The following XPR1 variants were observed in gnomAD, a reference collection of about 807,000 sequenced individuals.
The protein encoded by XPR1 is xenotropic and polytropic retrovirus receptor 1, also known as solute carrier family 53 member 1.
XPR1 carries 28 observed loss-of-function variants against 87.5 expected under a neutral mutation model. The observed-to-expected ratio is 0.32, with a 90% CI of 0.24 to 0.44. XPR1 has a LOEUF of 0.44. Ranked by LOEUF, XPR1 falls within the 20% of genes least tolerant of loss-of-function variation. The pLI is 1.00. For missense variants in XPR1, 559 were observed against 862.3 expected (o/e 0.65, Z 4.41); for synonymous variants, 300 against 306.1 (o/e 0.98, Z 0.21).
chr1:180,652,353 AC>A (rs938453643), intron 1 of XPR1, among the ~76,000 whole-genome samples: 1 of 152,188 alleles, frequency 6.6e-6, no homozygotes, highest in Non-Finnish European at 1.5e-5. Context: ...TACAGCTATT[AC>A]CACAATCAGG....
chr1:180,650,046 C>G (rs1417102483), intron 1 of XPR1, among the ~76,000 whole-genome samples: 2 of 152,084 alleles, frequency 1.3e-5, no homozygotes, highest in Non-Finnish European at 2.9e-5. Flanking sequence ...TACTCTCTCT[C>G]TGCTGTCTTC....
intron 2 of XPR1, among the ~76,000 whole-genome samples, chr1:180,703,832 A>G (rs1045058362): frequency 6.6e-6 from 1 of 152,188 alleles, no homozygotes; most frequent in Admixed American, 6.5e-5. Context: ...GAAATGAATT[A>G]ATCTGGTCCT....
At chr1:180,759,467 T>C (rs923170826) in intron 2 of XPR1, among the ~76,000 whole-genome samples, 9 of 152,060 alleles carry the variant, frequency 5.9e-5, no homozygotes, top group South Asian at 2.1e-4. Flanking sequence ...CAAACTACCA[T>C]CAGAGAATAC....
intron 2 of XPR1, among the ~76,000 whole-genome samples, chr1:180,777,764 A>G (rs886096051): frequency 3.9e-5 from 6 of 152,198 alleles, no homozygotes; most frequent in African/African-American, 1.2e-4. Context: ...TGGTACAAGC[A>G]TGAAACAGTA....
intron 11 of XPR1, among the ~76,000 whole-genome samples, chr1:180,839,112 CCA>C (rs751028919): frequency 6.6e-6 from 1 of 152,026 alleles, no homozygotes; most frequent in Non-Finnish European, 1.5e-5. Flanking sequence ...TTGCAGTATC[CCA>C]CAGTTTTATG....
intron 4 of XPR1, among the ~76,000 whole-genome samples, chr1:180,804,647 G>T (rs1469751017): frequency 6.6e-6 from 1 of 152,026 alleles, no homozygotes; most frequent in African/African-American, 2.4e-5. Context: ...AGTAGTTAAA[G>T]TCCCATATCT....
At chr1:180,877,956 C>T (rs1048340177) in intron 13 of XPR1, 1 of 152,194 alleles carries the variant, frequency 6.6e-6, no homozygotes, top group African/African-American at 2.4e-5. Flanking sequence ...GATCGACAAA[C>T]ACTGCCTGTT....
chr1:180,856,953 G>C (rs1037615774), intron 11 of XPR1, among the ~76,000 whole-genome samples: 1 of 152,164 alleles, frequency 6.6e-6, no homozygotes. Flanking sequence ...ATCGAAATGT[G>C]CCGTAAGTAT....
At chr1:180,644,662 A>G (rs73047697) in intron 1 of XPR1, among the ~76,000 whole-genome samples, 6,498 of 151,600 alleles carry the variant, frequency 0.043, 496 homozygotes, top group African/African-American at 0.15. Flanking sequence ...AAAACACCTA[A>G]CCTATATGTT....
intron 2 of XPR1, among the ~76,000 whole-genome samples, chr1:180,706,854 G>A (rs1657577308): frequency 6.6e-6 from 1 of 151,910 alleles, no homozygotes; most frequent in African/African-American, 2.4e-5. Flanking sequence ...TCCTGACCTC[G>A]TGATCTGCCC....
At chr1:180,761,954 A>G (rs1648051559) in intron 2 of XPR1, among the ~76,000 whole-genome samples, 1 of 152,082 alleles carries the variant, frequency 6.6e-6, no homozygotes, top group Non-Finnish European at 1.5e-5. Flanking sequence ...AAAAATGAAG[A>G]GTTCATGTCC....
chr1:180,774,597 T>C (rs986188408), intron 2 of XPR1, among the ~76,000 whole-genome samples: 1 of 151,844 alleles, frequency 6.6e-6, no homozygotes, highest in Admixed American at 6.6e-5. Context: ...TTAGTAGAGA[T>C]GGGGTTTCAC....
rs143871223 is a variant in XPR1, at chr1:180,846,946, C to G, written c.1501+10230C>G. Among the ~76,000 whole-genome samples the G allele has an allele frequency of 5.2e-3, 795 of 151,906 alleles. 1 individual carries two copies. Among genetic ancestry groups the G allele is most frequent in the Non-Finnish European group, 7.4e-3 (505 of 67,950 alleles). ...TTGATAAGTAGCATTTGTATTTCTA[C>G]TTGTTCCTCTCCTGTGGGCTCCTCA... is the stretch of plus-strand genomic sequence containing the variant. On this transcript the variant is annotated intron_variant, in intron 11 of 14. Coordinates refer to ENST00000367590, the MANE Select transcript of XPR1 (RefSeq NM_004736.4).
chr1:180,737,922 G>A (rs1487619637), intron 2 of XPR1, among the ~76,000 whole-genome samples: 2 of 152,192 alleles, frequency 1.3e-5, no homozygotes, highest in African/African-American at 2.4e-5. Flanking sequence ...TTGTGTACAG[G>A]TTTTTGTGTA....
At chr1:180,761,752 C>G (rs1480609056) in intron 2 of XPR1, among the ~76,000 whole-genome samples, 1 of 152,008 alleles carries the variant, frequency 6.6e-6, no homozygotes, top group Non-Finnish European at 1.5e-5. Flanking sequence ...ACCATTTGAC[C>G]CAGCCATCCC....
chr1:180,671,724 A>G (rs919857074), intron 1 of XPR1, among the ~76,000 whole-genome samples: 1 of 152,124 alleles, frequency 6.6e-6, no homozygotes, highest in Admixed American at 6.5e-5. Flanking sequence ...CATGTTGGCC[A>G]GGCTGATCTT....
At chr1:180,681,344 G>A in intron 1 of XPR1, among the ~76,000 whole-genome samples, 1 of 152,072 alleles carries the variant, frequency 6.6e-6, no homozygotes, top group East Asian at 1.9e-4. Context: ...TATTATTTGT[G>A]GATTAAAAAT....
chr1:180,782,858 T>C (rs143433224), intron 2 of XPR1, among the ~76,000 whole-genome samples: 5 of 151,978 alleles, frequency 3.3e-5, no homozygotes, highest in African/African-American at 1.2e-4. Context: ...TATATTGATA[T>C]TGGGGTGGGG....
intron 7 of XPR1, among the ~76,000 whole-genome samples, chr1:180,816,732 G>A (rs1046596447): frequency 2.6e-5 from 4 of 152,086 alleles, no homozygotes; most frequent in African/African-American, 9.7e-5. Context: ...CAAACATATT[G>A]CACTGCCAGC....
Sources: allele counts gnomAD v4.1 joint callset (sites outside exome capture counted in the v4.1 genomes callset), GRCh38; gene constraint gnomAD v4.1.1; transcripts MANE v1.5; gene names NCBI Gene and HGNC (gene_info 2026-07-23, HGNC 2026-07-21).